APOO: variants seen among roughly 807,000 people sequenced by gnomAD.
APOO encodes the protein apolipoprotein O, also known as MICOS complex subunit MIC26.
Under a neutral mutation model 23.1 loss-of-function variants are expected in APOO, and 11 were observed. The ratio of observed to expected loss-of-function variants is 0.48; its 90% CI spans 0.30 to 0.79. APOO has a LOEUF of 0.79. APOO is among the 30% of genes least tolerant of loss of function. The pLI, the probability that APOO is intolerant of heterozygous loss-of-function variation, is 0.07. For missense variants in APOO, 160 were observed against 142.7 expected (o/e 1.12, Z -0.62); for synonymous variants, 59 against 54.8 (o/e 1.08, Z -0.34).
In APOO at chrX:23,874,407, C is replaced by A; in HGVS notation, c.288G>T (p.Gly96=). ...KPKMQSLVQW[G]LDSYDYLQNA... Reference sequence around the variant, plus strand: ...CCTAATTTAAAATCAACTTACCTAACCCCCATTGAACCAAACTTTGCATCT... The same window carrying A: ...CCTAATTTAAAATCAACTTACCTAAACCCCATTGAACCAAACTTTGCATCT... Residue 96 remains glycine, a synonymous_variant, in exon 4 of 9, where the codon GGG becomes GGT. Coordinates refer to ENST00000379226, the MANE Select transcript of APOO (RefSeq NM_024122.5). 1 of 1,208,725 alleles carries A rather than the reference C, an allele frequency of 8.3e-7. No individual in the cohort carries two copies. The highest frequency in any genetic ancestry group is 1.1e-6 in the Non-Finnish European group (1 of 893,010).
chrX:23,885,501 T>A (rs1926331820), intron 1 of APOO, among the ~76,000 whole-genome samples: 1 of 108,106 alleles, frequency 9.3e-6, no homozygotes, highest in African/African-American at 3.4e-5. Flanking sequence ...GCTCAAGCAA[T>A]CCTCCCGCCT....
chrX:23,899,522 TTAGAC>T (rs1156638981), intron 1 of APOO, among the ~76,000 whole-genome samples: 1 of 112,239 alleles, frequency 8.9e-6, no homozygotes, highest in Non-Finnish European at 1.9e-5. Context: ...AAATATAACT[TTAGAC>T]TAGGATTTTT....
intron 2 of APOO, 56 bp downstream of exon 2, chrX:23,880,789 C>A: frequency 1.4e-6 from 1 of 728,606 alleles, no homozygotes; most frequent in Non-Finnish European, 1.9e-6. Context: ...AAAAAATTAT[C>A]CTACAGTAAC....
chrX:23,834,782 TGGC>T (rs1428742990), intron 8 of APOO, among the ~76,000 whole-genome samples: 3 of 108,479 alleles, frequency 2.8e-5, no homozygotes, highest in Non-Finnish European at 5.7e-5. Flanking sequence ...TGGAGTGCAG[TGGC>T]GTGATCTCGG....
chrX:23,878,507 T>C (rs1368353230), intron 3 of APOO, among the ~76,000 whole-genome samples: 1 of 111,961 alleles, frequency 8.9e-6, no homozygotes, highest in Non-Finnish European at 1.9e-5. Context: ...AGTAGGTATA[T>C]ACATTTATGG....
chrX:23,850,659 T>C (rs1383683181), intron 7 of APOO, among the ~76,000 whole-genome samples: 1 of 111,461 alleles, frequency 9.0e-6, no homozygotes, highest in African/African-American at 3.3e-5. Context: ...AAACCCTGTC[T>C]CTACTAAAAA....
chrX:23,866,857 T>C (rs1247663905), intron 5 of APOO, among the ~76,000 whole-genome samples: 1 of 108,831 alleles, frequency 9.2e-6, no homozygotes, highest in African/African-American at 3.3e-5. Context: ...CCCAGCACTT[T>C]GGGACACCGA....
At chrX:23,859,764 G>A (rs1924936905) in intron 5 of APOO, among the ~76,000 whole-genome samples, 4 of 111,872 alleles carry the variant, frequency 3.6e-5, no homozygotes, top group African/African-American at 1.3e-4. Flanking sequence ...TCATATAAAT[G>A]GAATCATGCA....
intron 5 of APOO, among the ~76,000 whole-genome samples, chrX:23,863,122 T>C (rs768353168): frequency 1.8e-5 from 2 of 110,789 alleles, no homozygotes; most frequent in East Asian, 2.9e-4. Context: ...TCACTGGAGG[T>C]CAGGAGTTCA....
intron 1 of APOO, among the ~76,000 whole-genome samples, chrX:23,905,620 G>A (rs5970806): frequency 8.1e-5 from 9 of 110,765 alleles, no homozygotes; most frequent in Non-Finnish European, 1.1e-4. Flanking sequence ...TTTTTCTGCC[G>A]TGGACCTCTT....
intron 4 of APOO, among the ~76,000 whole-genome samples, chrX:23,870,925 C>G (rs1925583497): frequency 9.1e-6 from 1 of 109,626 alleles, no homozygotes; most frequent in South Asian, 3.8e-4. Context: ...CCCGTCTCTA[C>G]TAAAAATACA....
intron 7 of APOO, among the ~76,000 whole-genome samples, chrX:23,854,253 C>T: frequency 8.9e-6 from 1 of 112,040 alleles, no homozygotes; most frequent in African/African-American, 3.2e-5. Context: ...TCAGAGAATG[C>T]TGTTTCCAAG....
intron 7 of APOO, among the ~76,000 whole-genome samples, chrX:23,854,680 C>T (rs1433969178): frequency 1.2e-5 from 1 of 81,950 alleles, no homozygotes; most frequent in Non-Finnish European, 2.1e-5. Flanking sequence ...ATCACCATGC[C>T]CAGCTAATTT....
intron 1 of APOO, among the ~76,000 whole-genome samples, chrX:23,887,229 CTTTTT>C (rs765596270): frequency 3.0e-4 from 16 of 54,230 alleles, no homozygotes; most frequent in South Asian, 1.9e-3. Context: ...TTCTTTTTCC[CTTTTT>C]TTTTTTTTTT....
intron 5 of APOO, among the ~76,000 whole-genome samples, chrX:23,868,285 C>T (rs1050299012): frequency 5.4e-5 from 6 of 111,958 alleles, no homozygotes; most frequent in Non-Finnish European, 1.1e-4. Context: ...AATAGTGAAA[C>T]GTTTAGAAAC....
chrX:23,849,582 T>TGAAAAAAAAA (rs1924427105), intron 7 of APOO, among the ~76,000 whole-genome samples: 1 of 38,292 alleles, frequency 2.6e-5, no homozygotes, highest in African/African-American at 2.8e-4. Context: ...TAAGAGAGAC[T>TGAAAAAAAAA]TAAAAAAAAA....
chrX:23,877,992 G>T (rs781725770), intron 3 of APOO, among the ~76,000 whole-genome samples: 79 of 111,721 alleles, frequency 7.1e-4, no homozygotes, highest in African/African-American at 2.3e-3. Context: ...TTTCATTTAC[G>T]TAATGACAAA....
At chrX:23,883,002 C>A (rs1484434582) in intron 1 of APOO, among the ~76,000 whole-genome samples, 2 of 111,186 alleles carry the variant, frequency 1.8e-5, no homozygotes, top group African/African-American at 6.5e-5. Context: ...TCGCTTGAAC[C>A]CAGGAGGTGG....
Position 23,880,923 on chromosome X carries a change from G to T in APOO, c.39C>A (p.Ser13Arg), listed in dbSNP as rs1332210902. 4.2e-6 allele frequency: 5 copies of T among 1,188,519 alleles called. No homozygotes were observed. Residue 13 changes from serine to arginine, a missense_variant, in exon 2 of 9, where the codon AGC becomes AGA. Coordinates refer to ENST00000379226, the MANE Select transcript of APOO (RefSeq NM_024122.5). ...AGACTTTGAAGGTGAGCAAGCTCAG[G>T]CTGGCTGGCCCCACGGACCTCTGAA... is the stretch of plus-strand genomic sequence containing the variant. ...KVIQRSVGPA[S>R]LSLLTFKVYA...
Sources: allele counts gnomAD v4.1 joint callset (sites outside exome capture counted in the v4.1 genomes callset), GRCh38; gene constraint gnomAD v4.1.1; transcripts MANE v1.5; gene names NCBI Gene and HGNC (gene_info 2026-07-23, HGNC 2026-07-21).